EPHA3: variants seen among roughly 807,000 people sequenced by gnomAD.
EPHA3 encodes EPH receptor A3.
In EPHA3, 42 loss-of-function variants were observed where a neutral mutation model predicts 107.1. The ratio of observed to expected loss-of-function variants is 0.39; its 90% confidence interval spans 0.31 to 0.51. The LOEUF (loss-of-function observed/expected upper bound fraction) is 0.51. EPHA3 is among the 20% of genes least tolerant of loss of function. The probability of loss-of-function intolerance (pLI) is 0.78; values close to 1 mark genes in which losing one functional copy is unlikely to be tolerated. For synonymous variants in EPHA3, 461 were observed against 424.8 expected, an observed-to-expected ratio of 1.09 and a Z score of -1.05; for missense variants, 1,183 against 1,211.2, an observed-to-expected ratio of 0.98 and a Z score of 0.35.
At chr3:89,362,409 A>G (rs1302936334) in intron 5 of EPHA3, among the ~76,000 whole-genome samples, 2 of 151,100 alleles carry the variant, frequency 1.3e-5, no homozygotes, top group Non-Finnish European at 3.0e-5. Context: ...ATGTAAAGAA[A>G]GCAGCTGTCT....
intron 15 of EPHA3, among the ~76,000 whole-genome samples, chr3:89,466,928 C>T (rs138688994): frequency 4.9e-4 from 74 of 152,052 alleles, no homozygotes; most frequent in African/African-American, 1.4e-3. Context: ...CCAGGTGTAA[C>T]GGCTATAACT....
intron 2 of EPHA3, among the ~76,000 whole-genome samples, chr3:89,130,840 G>C (rs528841740): frequency 1.2e-4 from 19 of 152,146 alleles, no homozygotes; most frequent in Non-Finnish European, 2.2e-4. Flanking sequence ...GTTTCACCGT[G>C]TAAGCCAAGA....
At chr3:89,330,700 A>G (rs1293289949) in intron 3 of EPHA3, among the ~76,000 whole-genome samples, 4 of 152,164 alleles carry the variant, frequency 2.6e-5, no homozygotes, top group African/African-American at 4.8e-5. Flanking sequence ...ATAATCAACA[A>G]TATAACTAAG....
intron 3 of EPHA3, among the ~76,000 whole-genome samples, chr3:89,260,191 T>C (rs1313499283): frequency 4.6e-5 from 7 of 152,236 alleles, no homozygotes; most frequent in Admixed American, 6.5e-5. Context: ...TTTTGGTATA[T>C]ACCCAGAGGA....
intron 15 of EPHA3, among the ~76,000 whole-genome samples, chr3:89,454,156 T>G (rs967790684): frequency 6.6e-6 from 1 of 152,148 alleles, no homozygotes; most frequent in Non-Finnish European, 1.5e-5. Context: ...GTGATTTTTT[T>G]CTCCTCTGGA....
intron 3 of EPHA3, among the ~76,000 whole-genome samples, chr3:89,291,987 T>C (rs2107330683): frequency 6.6e-6 from 1 of 152,286 alleles, no homozygotes; most frequent in South Asian, 2.1e-4. Context: ...AGTTGACAAA[T>C]TCACATGCTC....
chr3:89,256,444 G>A (rs1288309492), intron 3 of EPHA3, among the ~76,000 whole-genome samples: 1 of 149,264 alleles, frequency 6.7e-6, no homozygotes, highest in Non-Finnish European at 1.5e-5. Context: ...GTTGGAGTGC[G>A]CCTGTAGTCC....
intron 11 of EPHA3, among the ~76,000 whole-genome samples, chr3:89,421,343 G>T (rs1433972562): frequency 6.6e-6 from 1 of 151,052 alleles, no homozygotes; most frequent in African/African-American, 2.4e-5. Context: ...AAGGAAGGAA[G>T]GAAGAAAGAA....
rs554413638 is a variant in EPHA3, at chr3:89,480,388, G to A, written c.*886G>A. The A allele has an allele frequency of 7.7e-5, 18 of 232,992 alleles. 1 individual carries two copies. The Middle Eastern group carries it at 3.8e-3, about 50-fold the overall frequency. The allele number at this position is 232,992 out of a possible 1,614,324, so 14.4% of individuals were successfully genotyped here. A position where few individuals can be genotyped will look rare whatever the true frequency, so the allele number is the denominator to read the frequency against. Reference sequence around the variant, plus strand: ...TTATCCCAATCATTGTTGCCTCTCCGTTTATTATAAACTGTATGCTCACAA... The same window carrying A: ...TTATCCCAATCATTGTTGCCTCTCCATTTATTATAAACTGTATGCTCACAA... On this transcript the variant is annotated 3_prime_UTR_variant, in exon 17 of 17. Coordinates refer to ENST00000336596, the MANE Select transcript of EPHA3 (RefSeq NM_005233.6).
At chr3:89,274,103 G>A (rs1315508275) in intron 3 of EPHA3, among the ~76,000 whole-genome samples, 1 of 151,956 alleles carries the variant, frequency 6.6e-6, no homozygotes, top group South Asian at 2.1e-4. Context: ...TGACTAGAAA[G>A]TGCCACAAGT....
At chr3:89,159,988 T>A (rs1005613273) in intron 2 of EPHA3, among the ~76,000 whole-genome samples, 1 of 151,952 alleles carries the variant, frequency 6.6e-6, no homozygotes, top group African/African-American at 2.4e-5. Flanking sequence ...AACTTTTTCT[T>A]CAAAAATAAA....
At chr3:89,433,636 T>G (rs1158014281) in intron 13 of EPHA3, among the ~76,000 whole-genome samples, 1 of 152,204 alleles carries the variant, frequency 6.6e-6, no homozygotes, top group Non-Finnish European at 1.5e-5. Context: ...TAAAAAGTCC[T>G]TAGACACTTA....
intron 6 of EPHA3, among the ~76,000 whole-genome samples, chr3:89,396,603 G>A (rs926657828): frequency 1.3e-5 from 2 of 152,026 alleles, no homozygotes; most frequent in African/African-American, 4.8e-5. Flanking sequence ...GTGGAGTGGC[G>A]AGTATTCCAT....
intron 2 of EPHA3, among the ~76,000 whole-genome samples, chr3:89,130,214 A>AT (rs1458802829): frequency 1.3e-5 from 2 of 152,154 alleles, no homozygotes; most frequent in African/African-American, 4.8e-5. Flanking sequence ...CCCTAAAAAG[A>AT]AGAATGACCT....
At chr3:89,364,273 G>A (rs181656435) in intron 5 of EPHA3, among the ~76,000 whole-genome samples, 47 of 151,052 alleles carry the variant, frequency 3.1e-4, no homozygotes, top group African/African-American at 1.1e-3. Context: ...TCTCAGCTCA[G>A]TGATTTTTGA....
chr3:89,136,008 G>A (rs931614227), intron 2 of EPHA3, among the ~76,000 whole-genome samples: 1 of 152,058 alleles, frequency 6.6e-6, no homozygotes, highest in East Asian at 1.9e-4. Context: ...GGAAGTTTGG[G>A]TTCTAAAAAT....
intron 2 of EPHA3, among the ~76,000 whole-genome samples, chr3:89,200,343 A>G (rs1222177150): frequency 6.6e-6 from 1 of 152,220 alleles, no homozygotes; most frequent in African/African-American, 2.4e-5. Context: ...CAAAATTCTA[A>G]GATAAGCTGA....
chr3:89,175,368 G>A (rs1366639483), intron 2 of EPHA3, among the ~76,000 whole-genome samples: 1 of 152,006 alleles, frequency 6.6e-6, no homozygotes, highest in African/African-American at 2.4e-5. Flanking sequence ...CAGATTGCAA[G>A]ATCCTTTCTA....
chr3:89,190,996 G>A (rs1705699875), intron 2 of EPHA3, among the ~76,000 whole-genome samples: 2 of 151,928 alleles, frequency 1.3e-5, no homozygotes, highest in Non-Finnish European at 2.9e-5. Flanking sequence ...GAATTTTGGG[G>A]GTATATGATT....
Sources: allele counts gnomAD v4.1 joint callset (sites outside exome capture counted in the v4.1 genomes callset), GRCh38; gene constraint gnomAD v4.1.1; transcripts MANE v1.5; gene names NCBI Gene and HGNC (gene_info 2026-07-23, HGNC 2026-07-21).